Variants in CD99L2 observed in about 807,000 individuals in gnomAD.
CD99L2 encodes CD99 antigen-like protein 2.
In CD99L2, 24 loss-of-function variants were observed where a neutral mutation model predicts 27.3. The ratio of observed to expected loss-of-function variants is 0.88; its 90% CI spans 0.64 to 1.24. The LOEUF is 1.24. Among genes scored for constraint, CD99L2 ranks in the 50% most tolerant of loss-of-function variants. The probability of loss-of-function intolerance (pLI) is 0.00; values close to 1 mark genes in which losing one functional copy is unlikely to be tolerated. For missense variants in CD99L2, 255 were observed against 221.6 expected (o/e 1.15, Z -0.96); for synonymous variants, 97 against 87.9 (o/e 1.10, Z -0.58).
chrX:150,890,950 C>T (rs72612728), intron 1 of CD99L2, among the ~76,000 whole-genome samples: 3 of 112,139 alleles, frequency 2.7e-5, no homozygotes, highest in Non-Finnish European at 5.6e-5. Flanking sequence ...CAAATGCAAG[C>T]GCCAGAAATC....
chrX:150,802,408 A>T (rs2045921542), intron 4 of CD99L2, among the ~76,000 whole-genome samples: 1 of 107,681 alleles, frequency 9.3e-6, no homozygotes, highest in Non-Finnish European at 1.9e-5. Flanking sequence ...TACTAAAAAT[A>T]CAAAAGTTAG....
intron 1 of CD99L2, among the ~76,000 whole-genome samples, chrX:150,865,347 A>C (rs1256427783): frequency 9.0e-6 from 1 of 110,676 alleles, no homozygotes; most frequent in Non-Finnish European, 1.9e-5. Flanking sequence ...AAATTTAAAA[A>C]TTAGCCAGGC....
At chrX:150,864,437 T>C (rs184412727) in intron 1 of CD99L2, among the ~76,000 whole-genome samples, 186 of 112,307 alleles carry the variant, frequency 1.7e-3, no homozygotes, top group African/African-American at 5.8e-3. Context: ...TTGGGAAGGA[T>C]GTGGAAATAT....
At chrX:150,828,147 C>A (rs1274847197) in intron 2 of CD99L2, among the ~76,000 whole-genome samples, 5 of 111,611 alleles carry the variant, frequency 4.5e-5, no homozygotes, top group Non-Finnish European at 7.5e-5. Context: ...TTATCCACTT[C>A]TGCAAAAAAT....
chrX:150,803,719 T>C (rs1242584767), intron 4 of CD99L2, among the ~76,000 whole-genome samples: 1 of 111,452 alleles, frequency 9.0e-6, no homozygotes. Context: ...CATCAATAGG[T>C]AAAAACAATG....
At chrX:150,773,733 C>G (rs1447052621) in intron 9 of CD99L2, among the ~76,000 whole-genome samples, 1 of 112,383 alleles carries the variant, frequency 8.9e-6, no homozygotes, top group African/African-American at 3.2e-5. Flanking sequence ...GATATGGCCA[C>G]AAGCCAAGGA....
intron 2 of CD99L2, among the ~76,000 whole-genome samples, chrX:150,816,697 G>A (rs538647571): frequency 9.2e-6 from 1 of 109,112 alleles, no homozygotes; most frequent in South Asian, 4.1e-4. Flanking sequence ...CCATTACTGG[G>A]TATATACCCA....
chrX:150,867,622 G>A (rs1359829116), intron 1 of CD99L2, among the ~76,000 whole-genome samples: 7 of 110,582 alleles, frequency 6.3e-5, no homozygotes, highest in Non-Finnish European at 1.3e-4. Flanking sequence ...GGCTGGGCAC[G>A]GTGGCTCACG....
intron 6 of CD99L2, 52 bp downstream of exon 6, chrX:150,795,154 C>A (rs2045773353): frequency 8.5e-6 from 10 of 1,179,507 alleles, no homozygotes; most frequent in Non-Finnish European, 1.2e-5. Flanking sequence ...CTGGCTCTGG[C>A]TCTGTGGGAT....
At chrX:150,770,459 G>C (rs988885380) in intron 9 of CD99L2, 90 bp from the exon 10 acceptor site, 7 of 845,007 alleles carry the variant, frequency 8.3e-6, no homozygotes, top group Non-Finnish European at 1.2e-5. Flanking sequence ...GTCCTCTGCA[G>C]CTAAAAAAGC....
chrX:150,812,060 C>G (rs1436758300), intron 4 of CD99L2, among the ~76,000 whole-genome samples: 2 of 111,537 alleles, frequency 1.8e-5, no homozygotes, highest in East Asian at 5.6e-4. Context: ...ACTTGGGAAG[C>G]TGAGGTGGGA....
At chrX:150,793,015 C>G (rs1214522605) in intron 7 of CD99L2, among the ~76,000 whole-genome samples, 2 of 110,425 alleles carry the variant, frequency 1.8e-5, no homozygotes, top group Non-Finnish European at 1.9e-5. Flanking sequence ...AATGGTTACT[C>G]AAATCTACAC....
intron 1 of CD99L2, among the ~76,000 whole-genome samples, chrX:150,833,976 A>C (rs2124246659): frequency 8.9e-6 from 1 of 112,222 alleles, no homozygotes; most frequent in African/African-American, 3.2e-5. Context: ...GAAACAGAGT[A>C]AAAAGACAAC....
rs1355339133 is a variant in CD99L2, at chrX:150,816,190, T to C, written c.131-112A>G. 5 of 686,127 alleles carry C rather than the reference T, an allele frequency of 7.3e-6. No individual in the cohort carries two copies. The Admixed American group carries it at 1.2e-4, about 17-fold the overall frequency. 56.5% of individuals were successfully genotyped at this position (686,127 alleles called of 1,213,427 possible). A position where few individuals can be genotyped will look rare whatever the true frequency, so the allele number is the denominator to read the frequency against. On this transcript the variant is annotated intron_variant, in intron 2 of 10. Transcript: ENST00000370377. ...GAGTAGAATATCCTTGTCTTGGTCC[T>C]TGAGGCCCCTCTAGCTAGGAGCTCC...
chrX:150,830,195 A>G (rs1188264730), intron 2 of CD99L2, among the ~76,000 whole-genome samples: 1 of 105,534 alleles, frequency 9.5e-6, no homozygotes, highest in African/African-American at 3.4e-5. Flanking sequence ...TTAAAAAATG[A>G]AAAAAAAAAG....
chrX:150,870,843 G>A (rs1557422165), intron 1 of CD99L2, among the ~76,000 whole-genome samples: 1 of 110,034 alleles, frequency 9.1e-6, no homozygotes, highest in African/African-American at 3.3e-5. Context: ...AAGGCAGCAA[G>A]CAGTTATTTT....
chrX:150,840,339 G>A (rs782132729), intron 1 of CD99L2, among the ~76,000 whole-genome samples: 15 of 112,135 alleles, frequency 1.3e-4, no homozygotes, highest in African/African-American at 4.2e-4. Context: ...ACACATGCAC[G>A]TGGGGTGGGG....
Position 150,770,345 on chromosome X carries a change from T to G in CD99L2, c.680A>C (p.Lys227Thr). 3.3e-6 allele frequency: 4 copies of G among 1,211,799 alleles called. No individual in the cohort carries two copies. Among genetic ancestry groups the G allele is most frequent in the Non-Finnish European group, 4.5e-6 (4 of 895,375 alleles). ...TACCACGGCTTCCAGGTTCTCTCCC[T>G]TCACGTAGTCTGCGTTGAGACCCTC... Reference protein sequence around the residue: ...IQQGLNADYVKGENLEAVVCE... With the variant: ...IQQGLNADYVTGENLEAVVCE... Residue 227 changes from lysine (K) to threonine (T), a missense_variant, in exon 10 of 11, where the codon AAG becomes ACG. Physicochemically the swap from Lys to Thr is moderately conservative, Grantham distance 78. Transcript: ENST00000370377.
intron 9 of CD99L2, among the ~76,000 whole-genome samples, chrX:150,771,106 G>A (rs782432985): frequency 1.8e-5 from 2 of 112,310 alleles, no homozygotes; most frequent in South Asian, 7.3e-4. Flanking sequence ...AAGAGTCTGT[G>A]TCTCATCCCT....
Sources: allele counts gnomAD v4.1 joint callset (sites outside exome capture counted in the v4.1 genomes callset), GRCh38; gene constraint gnomAD v4.1.1; transcripts MANE v1.5; gene names NCBI Gene and HGNC (gene_info 2026-07-23, HGNC 2026-07-21).